RBFOX1: variants seen among roughly 807,000 people sequenced by gnomAD.
RBFOX1 encodes RNA binding fox-1 homolog 1.
A neutral mutation model predicts 57.7 loss-of-function variants in RBFOX1; 8 were observed. That is an observed-to-expected ratio of 0.14 (90% CI 0.08 to 0.25). The LOEUF (loss-of-function observed/expected upper bound fraction) is 0.25, where lower values mean the gene tolerates loss of function less well. Ranked by LOEUF, RBFOX1 falls within the 10% of genes least tolerant of loss-of-function variation. The pLI is 1.00. For synonymous variants in RBFOX1, 326 were observed against 222.4 expected (o/e 1.47, Z -4.15); for missense variants, 611 against 548.5 (o/e 1.11, Z -1.14).
intron 3 of RBFOX1, among the ~76,000 whole-genome samples, chr16:6,930,524 C>A (rs13335328): frequency 6.6e-6 from 1 of 151,892 alleles, no homozygotes. Flanking sequence ...ATTCTCCTGC[C>A]TCAGCCTCCC....
intron 11 of RBFOX1, among the ~76,000 whole-genome samples, chr16:7,638,024 A>T (rs2062056452): frequency 6.6e-6 from 1 of 152,134 alleles, no homozygotes; most frequent in Non-Finnish European, 1.5e-5. Context: ...CTCATCGTGG[A>T]TTTAAAAAAT....
At chr16:6,149,220 T>C (rs576695106) in intron 1 of RBFOX1, among the ~76,000 whole-genome samples, 27 of 152,332 alleles carry the variant, frequency 1.8e-4, no homozygotes, top group African/African-American at 5.8e-4. Context: ...TGTGTGTGTG[T>C]GCGCGCGCGT....
intron 15 of RBFOX1, 40 bp from the exon 16 acceptor site, chr16:7,710,583 A>T (rs942847790): frequency 1.2e-6 from 2 of 1,607,818 alleles, no homozygotes; most frequent in Non-Finnish European, 1.7e-6. Context: ...TTGCAAAAGG[A>T]AAATGTAAAA....
At chr16:6,933,964 A>G (rs983807395) in intron 3 of RBFOX1, among the ~76,000 whole-genome samples, 3 of 152,224 alleles carry the variant, frequency 2.0e-5, no homozygotes, top group Non-Finnish European at 4.4e-5. Context: ...CAAAGTACTT[A>G]TCACTAAAGT....
chr16:6,862,635 TG>T (rs762678200), intron 3 of RBFOX1, among the ~76,000 whole-genome samples: 4 of 152,040 alleles, frequency 2.6e-5, no homozygotes, highest in Non-Finnish European at 5.9e-5. Flanking sequence ...AGGACACAAA[TG>T]GAAAATGAAA....
intron 3 of RBFOX1, among the ~76,000 whole-genome samples, chr16:5,819,384 G>C (rs149116488): frequency 2.0e-5 from 3 of 152,296 alleles, no homozygotes; most frequent in African/African-American, 7.2e-5. Context: ...TTAGACCACA[G>C]CACCTGGGAG....
intron 3 of RBFOX1, among the ~76,000 whole-genome samples, chr16:6,750,629 C>T (rs2074746366): frequency 1.3e-5 from 2 of 152,092 alleles, no homozygotes; most frequent in African/African-American, 2.4e-5. Context: ...ACATTGAGAC[C>T]CAAGTTTAAA....
At chr16:5,431,221 T>C (rs2067723511) in intron 1 of RBFOX1, among the ~76,000 whole-genome samples, 1 of 152,238 alleles carries the variant, frequency 6.6e-6, no homozygotes, top group Non-Finnish European at 1.5e-5. Context: ...CCAAAAATGC[T>C]GAATAGCCTT....
At chr16:5,893,587 A>G (rs1230254494) in intron 4 of RBFOX1, among the ~76,000 whole-genome samples, 5 of 152,266 alleles carry the variant, frequency 3.3e-5, no homozygotes, top group African/African-American at 9.6e-5. Context: ...CGGGTGGATC[A>G]CCTGAGGTCA....
chr16:7,649,009 A>G (rs1003126949), intron 11 of RBFOX1, among the ~76,000 whole-genome samples: 12 of 152,216 alleles, frequency 7.9e-5, no homozygotes, highest in African/African-American at 2.9e-4. Context: ...GTGTTACAGG[A>G]AAAGGGTTCC....
chr16:7,327,095 G>A (rs138521690), intron 4 of RBFOX1, among the ~76,000 whole-genome samples: 30 of 152,268 alleles, frequency 2.0e-4, no homozygotes, highest in Admixed American at 3.9e-4. Flanking sequence ...AATGACTTTC[G>A]GACAAAGGTG....
chr16:7,217,787 G>A (rs1229295812), intron 4 of RBFOX1, among the ~76,000 whole-genome samples: 1 of 152,194 alleles, frequency 6.6e-6, no homozygotes, highest in African/African-American at 2.4e-5. Flanking sequence ...TTATAGTGAA[G>A]GTTTTGAGAT....
At chr16:5,780,136 G>A (rs922305808) in intron 3 of RBFOX1, among the ~76,000 whole-genome samples, 7 of 152,178 alleles carry the variant, frequency 4.6e-5, no homozygotes, top group Non-Finnish European at 1.0e-4. Context: ...CAGAGTAGAT[G>A]GGACTACAAG....
At chr16:7,295,195 T>C (rs932914232) in intron 4 of RBFOX1, among the ~76,000 whole-genome samples, 1 of 152,160 alleles carries the variant, frequency 6.6e-6, no homozygotes, top group African/African-American at 2.4e-5. Context: ...TTAAATAAAT[T>C]GTGTACTCAG....
At chr16:7,407,804 A>G (rs1484311249) in intron 4 of RBFOX1, among the ~76,000 whole-genome samples, 4 of 152,152 alleles carry the variant, frequency 2.6e-5, no homozygotes, top group Non-Finnish European at 5.9e-5. Flanking sequence ...GGTGTTGTAC[A>G]GGTTTTCATA....
At chr16:6,296,374 C>G (rs1478996058) in intron 1 of RBFOX1, among the ~76,000 whole-genome samples, 2 of 151,798 alleles carry the variant, frequency 1.3e-5, no homozygotes, top group Non-Finnish European at 2.9e-5. Context: ...GGTATAAAGG[C>G]AGTTTCACCT....
At chr16:7,689,367 G>C (rs1378360755) in intron 14 of RBFOX1, among the ~76,000 whole-genome samples, 1 of 152,120 alleles carries the variant, frequency 6.6e-6, no homozygotes, top group African/African-American at 2.4e-5. Flanking sequence ...GAATGAACTT[G>C]CAGATTTTTC....
chr16:7,349,530 T>G (rs60494887), intron 4 of RBFOX1, among the ~76,000 whole-genome samples: 1 of 66,648 alleles, frequency 1.5e-5, no homozygotes, highest in African/African-American at 3.1e-5. Context: ...TTTAAAAGAC[T>G]TTTTTTTTTC....
intron 4 of RBFOX1, chr16:7,304,430 A>G (rs2096121442): frequency 5.1e-6 from 5 of 985,390 alleles, no homozygotes; most frequent in African/African-American, 3.5e-5. Context: ...GCGCTCCCCA[A>G]CGTGGGCATG....
Sources: allele counts gnomAD v4.1 joint callset (sites outside exome capture counted in the v4.1 genomes callset), GRCh38; gene constraint gnomAD v4.1.1; transcripts MANE v1.5; gene names NCBI Gene and HGNC (gene_info 2026-07-23, HGNC 2026-07-21).